MDGA2: variants seen among roughly 807,000 people sequenced by gnomAD.
MDGA2 encodes MAM domain containing glycosylphosphatidylinositol anchor 2.
MDGA2 carries 40 observed loss-of-function variants against 117.8 expected under a neutral mutation model. The ratio of observed to expected loss-of-function variants is 0.34; its 90% confidence interval spans 0.26 to 0.44. The LOEUF (loss-of-function observed/expected upper bound fraction) is 0.44, where lower values mean the gene tolerates loss of function less well. Ranked by LOEUF, MDGA2 falls within the 20% of genes least tolerant of loss-of-function variation. MDGA2 has a pLI of 1.00. For missense variants in MDGA2, 1,123 were observed against 1,250.6 expected (o/e 0.90, Z 1.54); for synonymous variants, 452 against 439.0 (o/e 1.03, Z -0.37).
chr14:47,671,575 C>A (rs1186321919), intron 1 of MDGA2, among the ~76,000 whole-genome samples: 3 of 152,076 alleles, frequency 2.0e-5, no homozygotes, highest in South Asian at 4.1e-4. Flanking sequence ...CCTCTTGAAC[C>A]ATGATACTAG....
intron 10 of MDGA2, among the ~76,000 whole-genome samples, chr14:46,890,474 A>G (rs965191505): frequency 1.3e-5 from 2 of 152,140 alleles, no homozygotes; most frequent in African/African-American, 4.8e-5. Context: ...ATAATTCCCT[A>G]TAGTATTTCT....
intron 14 of MDGA2, among the ~76,000 whole-genome samples, chr14:46,866,039 T>C (rs1161178316): frequency 6.6e-6 from 1 of 151,314 alleles, no homozygotes; most frequent in African/African-American, 2.4e-5. Context: ...TGGAAAAAAC[T>C]ACTTTAAAGT....
intron 1 of MDGA2, among the ~76,000 whole-genome samples, chr14:47,433,978 TATC>T (rs1594854628): frequency 6.6e-6 from 1 of 152,110 alleles, no homozygotes; most frequent in African/African-American, 2.4e-5. Context: ...TATCCATAAT[TATC>T]ATTCTCAAAT....
chr14:47,132,516 A>G (rs1447762411), intron 4 of MDGA2, among the ~76,000 whole-genome samples: 1 of 151,864 alleles, frequency 6.6e-6, no homozygotes, highest in Non-Finnish European at 1.5e-5. Flanking sequence ...GATAGATGCA[A>G]ATCAAGCAAG....
chr14:46,928,883 TTTTTA>T (rs1213738310), intron 9 of MDGA2, among the ~76,000 whole-genome samples: 1 of 152,182 alleles, frequency 6.6e-6, no homozygotes, highest in African/African-American at 2.4e-5. Flanking sequence ...TATAAAATCA[TTTTTA>T]TTTCTTGTTG....
At chr14:46,989,791 C>T (rs1887013182) in intron 8 of MDGA2, among the ~76,000 whole-genome samples, 1 of 151,902 alleles carries the variant, frequency 6.6e-6, no homozygotes, top group African/African-American at 2.4e-5. Flanking sequence ...GCAGGGACCA[C>T]CAAGTGAATC....
intron 1 of MDGA2, among the ~76,000 whole-genome samples, chr14:47,661,193 G>C (rs1451793125): frequency 6.6e-6 from 1 of 151,856 alleles, no homozygotes; most frequent in Non-Finnish European, 1.5e-5. Flanking sequence ...ATATAAATAA[G>C]TATAAATACA....
At chr14:47,506,940 T>C (rs1894525701) in intron 1 of MDGA2, among the ~76,000 whole-genome samples, 3 of 152,012 alleles carry the variant, frequency 2.0e-5, no homozygotes, top group South Asian at 2.1e-4. Context: ...CTTTTTTTTT[T>C]CTGTTTTTAT....
At chr14:46,893,948 C>A (rs1304455319) in intron 10 of MDGA2, among the ~76,000 whole-genome samples, 1 of 151,964 alleles carries the variant, frequency 6.6e-6, no homozygotes, top group African/African-American at 2.4e-5. Context: ...CACCACCAGA[C>A]ATCAGAAAGG....
intron 7 of MDGA2, among the ~76,000 whole-genome samples, chr14:47,035,869 CT>C (rs1888828581): frequency 6.6e-6 from 1 of 152,068 alleles, no homozygotes; most frequent in Non-Finnish European, 1.5e-5. Context: ...TATTATTTCA[CT>C]TCATAATATT....
chr14:47,186,389 G>C (rs1343359465), intron 3 of MDGA2, among the ~76,000 whole-genome samples: 1 of 151,552 alleles, frequency 6.6e-6, no homozygotes, highest in Non-Finnish European at 1.5e-5. Flanking sequence ...GAGTAGAAGG[G>C]CTTGCCCTAT....
At chr14:47,466,808 A>G (rs1387948415) in intron 1 of MDGA2, among the ~76,000 whole-genome samples, 1 of 151,630 alleles carries the variant, frequency 6.6e-6, no homozygotes, top group Non-Finnish European at 1.5e-5. Flanking sequence ...ATAATATATT[A>G]CTCTCATGTT....
chr14:46,985,269 AAAT>A (rs1277438631), intron 8 of MDGA2, among the ~76,000 whole-genome samples: 3 of 152,178 alleles, frequency 2.0e-5, no homozygotes, highest in African/African-American at 4.8e-5. Context: ...TAAAAATATA[AAAT>A]AATACCTTGG....
intron 1 of MDGA2, among the ~76,000 whole-genome samples, chr14:47,540,563 T>TATATATATATATATACAC (rs370481455): frequency 0.015 from 1,666 of 111,590 alleles, 125 homozygotes; most frequent in Admixed American, 0.025. Context: ...TGTATATATA[T>TATATATATATATATACAC]ACACACACAC....
chr14:47,613,479 T>TCA (rs1555336468), intron 1 of MDGA2, among the ~76,000 whole-genome samples: 3,662 of 141,122 alleles, frequency 0.026, 163 homozygotes, highest in Admixed American at 0.14. Context: ...TCTCTCTCTC[T>TCA]CACACACACA....
chr14:47,502,027 T>C (rs1336280224), intron 1 of MDGA2, among the ~76,000 whole-genome samples: 3 of 152,108 alleles, frequency 2.0e-5, no homozygotes, highest in Non-Finnish European at 4.4e-5. Flanking sequence ...AGAAATAAGA[T>C]GAGAGCCTCA....
At chr14:47,609,465 A>ATACATATATATAT (rs1555336021) in intron 1 of MDGA2, among the ~76,000 whole-genome samples, 1 of 107,386 alleles carries the variant, frequency 9.3e-6, no homozygotes, top group Non-Finnish European at 1.9e-5. Context: ...ATATATATAT[A>ATACATATATATAT]AGTTTCTTTA....
chr14:47,539,261 G>A (rs925041773), intron 1 of MDGA2, among the ~76,000 whole-genome samples: 8 of 152,180 alleles, frequency 5.3e-5, no homozygotes, highest in African/African-American at 1.9e-4. Flanking sequence ...AAAGCAGAGT[G>A]CCACCGGATG....
At chr14:47,078,327 C>T (rs948737174) in intron 6 of MDGA2, among the ~76,000 whole-genome samples, 4 of 152,042 alleles carry the variant, frequency 2.6e-5, no homozygotes, top group African/African-American at 9.7e-5. Context: ...TGAATTAAGG[C>T]TTTGAAAGAT....
Sources: allele counts gnomAD v4.1 joint callset (sites outside exome capture counted in the v4.1 genomes callset), GRCh38; gene constraint gnomAD v4.1.1; transcripts MANE v1.5; gene names NCBI Gene and HGNC (gene_info 2026-07-23, HGNC 2026-07-21).